Variants in PPARD observed in about 807,000 individuals in gnomAD.
PPARD encodes peroxisome proliferator activated receptor delta, also known as peroxisome proliferator-activated receptor delta.
In PPARD, 6 loss-of-function variants were observed where a neutral mutation model predicts 39.5. That is an observed-to-expected ratio of 0.15 (90% CI 0.08 to 0.30). PPARD has a LOEUF of 0.30. Ranked by LOEUF, PPARD falls within the 10% of genes least tolerant of loss-of-function variation. The pLI is 1.00. For missense variants in PPARD, 397 were observed against 596.8 expected (o/e 0.67, Z 3.49); for synonymous variants, 210 against 231.3 (o/e 0.91, Z 0.83).
At chr6:35,377,564 GTCTTTT>G (rs1294473448) in intron 2 of PPARD, among the ~76,000 whole-genome samples, 1 of 152,166 alleles carries the variant, frequency 6.6e-6, no homozygotes, top group Non-Finnish European at 1.5e-5. Context: ...CTTGGAACCT[GTCTTTT>G]CATAAGGTAT....
Position 35,384,484 on chromosome 6 carries a change from T to TG in PPARD, c.-101-26496dup, listed in dbSNP as rs1476585870. Among the ~76,000 whole-genome samples, 242 of 73,900 alleles carry TG rather than the reference T, an allele frequency of 3.3e-3. 1 individual carries two copies. Among genetic ancestry groups the TG allele is most frequent in the African/African-American group, 0.018 (227 of 12,906 alleles). The allele number at this position is 73,900 out of a possible 152,430, so 48.5% of individuals were successfully genotyped here. A position where few individuals can be genotyped will look rare whatever the true frequency, so the allele number is the denominator to read the frequency against. On this transcript the variant is annotated intron_variant, in intron 2 of 7. Coordinates refer to ENST00000360694, the MANE Select transcript of PPARD (RefSeq NM_006238.5). ...CCAGCCGCCCCGTCCGGGAGGGAGG[T>TG]GGGGGGGTCAGCCCCCCGCCCGGCC...
intron 2 of PPARD, among the ~76,000 whole-genome samples, chr6:35,385,827 G>T (rs540630775): frequency 6.6e-6 from 1 of 152,004 alleles, no homozygotes; most frequent in African/African-American, 2.4e-5. Flanking sequence ...ATGCAGTCCC[G>T]GTGTGTGAAA....
intron 2 of PPARD, 66 bp from the exon 3 acceptor site, chr6:35,410,921 C>T: frequency 1.6e-6 from 2 of 1,253,734 alleles, no homozygotes; most frequent in South Asian, 3.7e-5. Context: ...AAGCGTGCCC[C>T]ACTCGCACCA....
chr6:35,405,394 A>G (rs1436208293), intron 2 of PPARD, among the ~76,000 whole-genome samples: 1 of 152,012 alleles, frequency 6.6e-6, no homozygotes. Context: ...GTGAGGGGCT[A>G]CATTGCTGCA....
chr6:35,424,182 C>A lies in PPARD; in HGVS notation c.627+34C>A. On this transcript the variant is annotated intron_variant, in intron 6 of 7. Coordinates refer to ENST00000360694, the MANE Select transcript of PPARD (RefSeq NM_006238.5). The surrounding 1 kb of genome is among the most constrained non-coding windows in gnomAD (Gnocchi z 7.1). ...TGCTGCTGCTTGGCCTGGCAGCATC[C>A]TGGGCTCTGGGTCCCACTGCCGCCT... 1 of 1,608,454 alleles carries A rather than the reference C, an allele frequency of 6.2e-7. No homozygotes were observed. Among genetic ancestry groups the A allele is most frequent in the South Asian group, 1.1e-5 (1 of 90,868 alleles).
At chr6:35,362,948 G>A (rs1330860263) in intron 2 of PPARD, among the ~76,000 whole-genome samples, 1 of 152,162 alleles carries the variant, frequency 6.6e-6, no homozygotes, top group Non-Finnish European at 1.5e-5. Flanking sequence ...GGTATATCTG[G>A]CTACTGTGCT....
In PPARD at chr6:35,348,250, G is replaced by A. The variant is rs181074037; in HGVS notation, c.-102+1100G>A. 105 of 742,862 alleles carry A rather than the reference G, an allele frequency of 1.4e-4. 1 individual carries two copies. The East Asian group carries it at 7.3e-3, about 52-fold the overall frequency. 46.0% of individuals were successfully genotyped at this position (742,862 alleles called of 1,614,324 possible). A position where few individuals can be genotyped will look rare whatever the true frequency, so the allele number is the denominator to read the frequency against. ...AGTGCCAACTATGTGCCAGGCACTT[G>A]GGAAATGATAATAGTAAAAAACAGA... On this transcript the variant is annotated intron_variant, in intron 2 of 7. Coordinates refer to ENST00000360694, the MANE Select transcript of PPARD (RefSeq NM_006238.5).
intron 2 of PPARD, among the ~76,000 whole-genome samples, chr6:35,373,276 ATAGAG>A (rs1762600941): frequency 6.6e-6 from 1 of 152,230 alleles, no homozygotes; most frequent in African/African-American, 2.4e-5. Flanking sequence ...GCAATGTCTT[ATAGAG>A]TAATCGGGAT....
At chr6:35,387,991 A>G (rs1274612680) in intron 2 of PPARD, among the ~76,000 whole-genome samples, 2 of 147,444 alleles carry the variant, frequency 1.4e-5, no homozygotes, top group Non-Finnish European at 3.0e-5. Flanking sequence ...CAAAGTGCTG[A>G]GATTACAGGT....
At chr6:35,355,643 G>C (rs376041530) in intron 2 of PPARD, among the ~76,000 whole-genome samples, 1 of 93,618 alleles carries the variant, frequency 1.1e-5, no homozygotes, top group Admixed American at 1.7e-4. Context: ...ACGGAGTCTC[G>C]CTTTGTTGCC....
intron 1 of PPARD, among the ~76,000 whole-genome samples, chr6:35,346,172 A>G (rs973806122): frequency 6.6e-6 from 1 of 151,758 alleles, no homozygotes. Context: ...AGCCACCACA[A>G]CCAGCCTGGA....
At chr6:35,420,016 T>C in intron 3 of PPARD, 111 bp from the exon 4 acceptor site, 1 of 1,325,262 alleles carries the variant, frequency 7.5e-7, no homozygotes, top group Non-Finnish European at 1.0e-6. Context: ...GTTGACTCCC[T>C]GAGGCCACAC....
At chr6:35,415,099 G>A (rs1252353244) in intron 3 of PPARD, among the ~76,000 whole-genome samples, 1 of 152,156 alleles carries the variant, frequency 6.6e-6, no homozygotes, top group Non-Finnish European at 1.5e-5. Context: ...GGAAGATAAA[G>A]TGTCCTTCCT....
chr6:35,424,043 C>T lies in PPARD; in HGVS notation c.522C>T (p.Asp174=). The T allele has an allele frequency of 1.2e-6, 2 of 1,614,172 alleles. No homozygotes were observed. Among genetic ancestry groups the T allele is most frequent in the South Asian group, 1.1e-5 (1 of 91,082 alleles). The part of the protein sequence containing the change: ...EGSQYNPQVA[D]LKAFSKHIYN... The stretch of plus-strand genomic sequence containing the variant: ...GCCAGTACAACCCACAGGTGGCCGA[C>T]CTGAAGGCCTTCTCCAAGCACATCT... Residue 174 remains aspartate (D), a synonymous_variant, in exon 6 of 8, where the codon GAC becomes GAT. Transcript: ENST00000360694. The surrounding 1 kb of genome is among the most constrained non-coding windows in gnomAD (Gnocchi z 7.1).
chr6:35,393,797 T>G (rs762052763), intron 2 of PPARD, among the ~76,000 whole-genome samples: 13 of 152,218 alleles, frequency 8.5e-5, no homozygotes, highest in Non-Finnish European at 1.9e-4. Flanking sequence ...GACTTCATGC[T>G]TCTCAAATAT....
chr6:35,424,536 G>A lies in PPARD; in HGVS notation c.835G>A (p.Val279Ile). The A allele has an allele frequency of 6.2e-7, 1 of 1,614,218 alleles. No individual in the cohort carries two copies. Among genetic ancestry groups the A allele is most frequent in the Non-Finnish European group, 8.5e-7 (1 of 1,180,038 alleles). ...SFSSLFLNDQ[V>I]TLLKYGVHEA... ...CAGCAGCCTCTTCCTCAACGACCAG[G>A]TTACCCTTCTCAAGTATGGCGTGCA... is the stretch of plus-strand genomic sequence containing the variant. The change falls in exon 7 of 8, where the codon GTT becomes ATT. Residue 279 changes from valine (V) to isoleucine (I), a missense_variant. By Grantham distance (29) the Val-to-Ile change is conservative. Coordinates refer to ENST00000360694, the MANE Select transcript of PPARD (RefSeq NM_006238.5). This position sits in a 1 kb window ranked among gnomAD's most constrained non-coding sequence, Gnocchi z 7.1.
chr6:35,408,237 C>A (rs529308201), intron 2 of PPARD, among the ~76,000 whole-genome samples: 6 of 152,292 alleles, frequency 3.9e-5, no homozygotes, highest in African/African-American at 1.4e-4. Flanking sequence ...ATAGCTTTTT[C>A]GGAAGCTCCT....
At position 35,405,415 on chromosome 6, in the gene PPARD, C is replaced by A. The variant is rs563254352; in HGVS notation, c.-101-5572C>A. 1.5e-4 allele frequency among the ~76,000 whole-genome samples: 23 copies of A among 152,194 alleles called. No individual in the cohort carries two copies. In the South Asian group the frequency reaches 4.4e-3, roughly 29 times the overall value. On this transcript the variant is annotated intron_variant, in intron 2 of 7. Coordinates refer to ENST00000360694, the MANE Select transcript of PPARD (RefSeq NM_006238.5). The stretch of plus-strand genomic sequence containing the variant: ...GGCTACATTGCTGCATTCGTGCCCC[C>A]TCATTCTGGCTCAGGGCCCTTGTGT...
intron 2 of PPARD, among the ~76,000 whole-genome samples, chr6:35,368,988 C>G (rs538673920): frequency 6.6e-6 from 1 of 152,190 alleles, no homozygotes; most frequent in East Asian, 1.9e-4. Flanking sequence ...CCTAGAGATA[C>G]CTAGGTTAGC....
Sources: gnomAD v4.1 joint callset for allele counts (sites outside exome capture counted in the v4.1 genomes callset) on GRCh38, gnomAD v4.1.1 for gene constraint, Gnocchi (gnomAD v3.1) non-coding constraint, MANE v1.5 for transcripts, NCBI Gene and HGNC (gene_info 2026-07-23, HGNC 2026-07-21) for gene names.